DENND1A: variants seen among roughly 807,000 people sequenced by gnomAD.
DENND1A encodes DENN domain containing 1A, also known as DENN domain-containing protein 1A.
Under a neutral mutation model 113.7 loss-of-function variants are expected in DENND1A, and 51 were observed. The ratio of observed to expected loss-of-function variants is 0.45; its 90% CI spans 0.36 to 0.57. The LOEUF (loss-of-function observed/expected upper bound fraction) is 0.57, where lower values mean the gene tolerates loss of function less well. Ranked by LOEUF, DENND1A falls within the 20% of genes least tolerant of loss-of-function variation. The probability of loss-of-function intolerance (pLI) is 0.00; values close to 1 mark genes in which losing one functional copy is unlikely to be tolerated. For missense variants in DENND1A, 1,258 were observed against 1,395.9 expected (o/e 0.90, Z 1.57); for synonymous variants, 565 against 570.8 (o/e 0.99, Z 0.14).
At chr9:123,836,893 T>C (rs2132883205) in intron 2 of DENND1A, among the ~76,000 whole-genome samples, 1 of 152,342 alleles carries the variant, frequency 6.6e-6, no homozygotes, top group South Asian at 2.1e-4. Context: ...GAATATTTAT[T>C]GCATAAAATA....
chr9:123,444,590 G>A (rs1373129019), intron 18 of DENND1A, among the ~76,000 whole-genome samples: 2 of 152,148 alleles, frequency 1.3e-5, no homozygotes, highest in Non-Finnish European at 2.9e-5. Flanking sequence ...GGAGGCAGAG[G>A]TTGCAGTGAG....
chr9:123,930,029 C>A lies in DENND1A; in HGVS notation c.-124G>T, dbSNP rs1347514211. The A allele has an allele frequency of 2.2e-5, 5 of 223,368 alleles. No homozygotes were observed. Among genetic ancestry groups the A allele is most frequent in the Non-Finnish European group, 3.4e-5 (4 of 116,132 alleles). The allele number at this position is 223,368 out of a possible 1,614,324, so 13.8% of individuals were successfully genotyped here. A position where few individuals can be genotyped will look rare whatever the true frequency, so the allele number is the denominator to read the frequency against. ...CTTCCTCCCTTCCCTCAGGCTGGGG[C>A]CCGCCCGCTCGAGGCTCGCTCCCTC... On this transcript the variant is annotated 5_prime_UTR_variant, in exon 1 of 24. Coordinates refer to ENST00000394215, the MANE Select transcript of DENND1A (RefSeq NM_001352964.2).
chr9:123,520,995 A>C (rs372797982), intron 13 of DENND1A, among the ~76,000 whole-genome samples: 1 of 152,206 alleles, frequency 6.6e-6, no homozygotes, highest in African/African-American at 2.4e-5. Flanking sequence ...TCAAATAAAA[A>C]GGAAGAAAAG....
At chr9:123,736,917 A>G (rs2068606197) in intron 5 of DENND1A, among the ~76,000 whole-genome samples, 1 of 152,196 alleles carries the variant, frequency 6.6e-6, no homozygotes, top group Non-Finnish European at 1.5e-5. Context: ...TCTTTCTGCT[A>G]TCCTACACTG....
chr9:123,676,228 C>A (rs17215866), intron 6 of DENND1A, among the ~76,000 whole-genome samples: 31,494 of 152,018 alleles, frequency 0.21, 3,704 homozygotes, highest in Admixed American at 0.26. Context: ...CATTTTCAGA[C>A]CCCTACAAAA....
At chr9:123,893,451 A>G (rs10986126) in intron 1 of DENND1A, among the ~76,000 whole-genome samples, 11,787 of 152,308 alleles carry the variant, frequency 0.077, 758 homozygotes, top group African/African-American at 0.18. Context: ...ATTTAGCCTC[A>G]GTGAGACCAG....
At chr9:123,865,153 CTG>C (rs1845635166) in intron 2 of DENND1A, among the ~76,000 whole-genome samples, 1 of 152,144 alleles carries the variant, frequency 6.6e-6, no homozygotes, top group South Asian at 2.1e-4. Flanking sequence ...GCTGAATAAA[CTG>C]TGTAATTAAA....
intron 19 of DENND1A, among the ~76,000 whole-genome samples, chr9:123,416,575 C>T (rs894707958): frequency 6.6e-6 from 1 of 152,110 alleles, no homozygotes; most frequent in Non-Finnish European, 1.5e-5. Flanking sequence ...CAGACTGCTG[C>T]TTCTTAAGTC....
chr9:123,479,798 T>C (rs1451163695), intron 13 of DENND1A, among the ~76,000 whole-genome samples: 1 of 152,244 alleles, frequency 6.6e-6, no homozygotes, highest in Non-Finnish European at 1.5e-5. Context: ...TCCACTTGCT[T>C]TGGTGGTATT....
At chr9:123,640,353 C>T (rs2061961926) in intron 9 of DENND1A, among the ~76,000 whole-genome samples, 1 of 152,176 alleles carries the variant, frequency 6.6e-6, no homozygotes, top group Non-Finnish European at 1.5e-5. Flanking sequence ...AGTCCTCCTC[C>T]CAGCTACAGG....
At chr9:123,769,452 T>C in intron 4 of DENND1A, 62 bp downstream of exon 4, 1 of 1,405,412 alleles carries the variant, frequency 7.1e-7, no homozygotes, top group South Asian at 1.3e-5. Flanking sequence ...GTATGGTTTT[T>C]ATTTTCTATA....
chr9:123,383,396 C>T (rs934438357), intron 23 of DENND1A, among the ~76,000 whole-genome samples: 26 of 152,308 alleles, frequency 1.7e-4, no homozygotes, highest in African/African-American at 6.3e-4. Context: ...TGGCAGCACC[C>T]GCCCCCCCGT....
chr9:123,522,664 T>G (rs1564645430), intron 13 of DENND1A, among the ~76,000 whole-genome samples: 1 of 152,184 alleles, frequency 6.6e-6, no homozygotes, highest in Non-Finnish European at 1.5e-5. Flanking sequence ...ATTTTCTTCT[T>G]CTTCTTGGTG....
chr9:123,583,361 AG>A, intron 11 of DENND1A, 91 bp from the exon 12 acceptor site: 7 of 913,102 alleles, frequency 7.7e-6, no homozygotes, highest in Non-Finnish European at 1.0e-5. Context: ...GGCATAGAGA[AG>A]GAAAGTGACA....
Position 123,462,595 on chromosome 9 carries a change from G to A in DENND1A, c.994-4698C>T, listed in dbSNP as rs181058529. Among the ~76,000 whole-genome samples the A allele has an allele frequency of 1.4e-4, 22 of 152,232 alleles. No individual in the cohort carries two copies. In the East Asian group the frequency reaches 3.9e-3, roughly 27 times the overall value. On this transcript the variant is annotated intron_variant, in intron 13 of 23. Transcript: ENST00000394215. ...GCGGATCACCTGTGGTCAGGAGTTC[G>A]AGACCAGCTTGATCAACATGGTGAA...
intron 2 of DENND1A, among the ~76,000 whole-genome samples, chr9:123,850,955 T>C (rs572522312): frequency 6.6e-6 from 1 of 152,220 alleles, no homozygotes; most frequent in Admixed American, 6.5e-5. Flanking sequence ...AAAAAGCATT[T>C]CCAGTAAAAA....
chr9:123,461,863 G>C (rs771465655), intron 13 of DENND1A: 1 of 142,020 alleles, frequency 7.0e-6, no homozygotes, highest in Non-Finnish European at 1.5e-5. Flanking sequence ...AACAGCATCA[G>C]ATGTGTGAAT....
At chr9:123,805,354 T>C (rs906915706) in intron 2 of DENND1A, among the ~76,000 whole-genome samples, 1 of 152,132 alleles carries the variant, frequency 6.6e-6, no homozygotes, top group Non-Finnish European at 1.5e-5. Context: ...TAATGAGATA[T>C]CTTGAGGATG....
intron 5 of DENND1A, among the ~76,000 whole-genome samples, chr9:123,706,305 C>G (rs2066197021): frequency 6.6e-6 from 1 of 151,882 alleles, no homozygotes; most frequent in South Asian, 2.1e-4. Flanking sequence ...CGTCCGCCAC[C>G]ATGCCCAGCT....
Sources: allele counts gnomAD v4.1 joint callset (sites outside exome capture counted in the v4.1 genomes callset), GRCh38; gene constraint gnomAD v4.1.1; transcripts MANE v1.5; gene names NCBI Gene and HGNC (gene_info 2026-07-23, HGNC 2026-07-21).